Variants in TRPM1 observed in about 807,000 individuals in gnomAD.
TRPM1 encodes the protein TRPM1-203 APA Isoform, Intron 10.
In TRPM1, 113 loss-of-function variants were observed where a neutral mutation model predicts 149.4. That is an observed-to-expected ratio of 0.76 (90% confidence interval 0.65 to 0.88). The LOEUF (loss-of-function observed/expected upper bound fraction) is 0.88. TRPM1 is among the 40% of genes least tolerant of loss of function. The pLI, the probability that TRPM1 is intolerant of heterozygous loss-of-function variation, is 0.00. For missense variants in TRPM1, 1,976 were observed against 2,038.7 expected, an observed-to-expected ratio of 0.97 and a Z score of 0.59; for synonymous variants, 741 against 759.5, an observed-to-expected ratio of 0.98 and a Z score of 0.40.
At chr15:31,099,439 TCCAAACATTG>T (rs1421499006) in intron 1 of TRPM1, among the ~76,000 whole-genome samples, 13 of 152,122 alleles carry the variant, frequency 8.5e-5, no homozygotes, top group Admixed American at 5.2e-4. Context: ...TAGGACATCT[TCCAAACATTG>T]TCAATCAAAG....
intron 1 of TRPM1, among the ~76,000 whole-genome samples, chr15:31,092,282 G>A (rs1198416720): frequency 6.6e-6 from 1 of 152,100 alleles, no homozygotes; most frequent in African/African-American, 2.4e-5. Flanking sequence ...CAGAATAAAG[G>A]TGTGGTGTCG....
At chr15:31,068,124 T>G in intron 4 of TRPM1, 32 bp from the exon 5 acceptor site, 1 of 1,599,058 alleles carries the variant, frequency 6.3e-7, no homozygotes. Flanking sequence ...TCAGCCTCTG[T>G]TCTTGGTTTT....
chr15:31,070,490 G>A (rs1486378760), intron 3 of TRPM1: 12 of 684,620 alleles, frequency 1.8e-5, no homozygotes, highest in South Asian at 1.7e-4. Flanking sequence ...TTGATGTCTT[G>A]ATAACATCAG....
At chr15:31,011,840 T>G (rs911092655) in intron 27 of TRPM1, among the ~76,000 whole-genome samples, 1 of 152,076 alleles carries the variant, frequency 6.6e-6, no homozygotes, top group Non-Finnish European at 1.5e-5. Context: ...ATTTTTGTAT[T>G]TTCAATAGAG....
At chr15:31,022,305 C>T (rs1304089213) in intron 27 of TRPM1, among the ~76,000 whole-genome samples, 1 of 152,208 alleles carries the variant, frequency 6.6e-6, no homozygotes, top group African/African-American at 2.4e-5. Flanking sequence ...GAGGACAGAA[C>T]ACATGGGTTG....
intron 9 of TRPM1, among the ~76,000 whole-genome samples, chr15:31,061,942 C>T (rs1481169962): frequency 2.0e-5 from 3 of 152,148 alleles, no homozygotes; most frequent in Non-Finnish European, 4.4e-5. Context: ...CCTGTCTCAG[C>T]CCCCCAAAGT....
intron 27 of TRPM1, among the ~76,000 whole-genome samples, chr15:31,015,645 G>A (rs940369436): frequency 2.0e-5 from 3 of 152,124 alleles, no homozygotes; most frequent in African/African-American, 7.2e-5. Context: ...AGTGTTGAAT[G>A]CAATGAACAA....
chr15:31,118,230 C>T lies in TRPM1; in HGVS notation c.55-41246G>A, dbSNP rs1260015735. Among the ~76,000 whole-genome samples, 3 of 152,200 alleles carry T rather than the reference C, an allele frequency of 2.0e-5. No homozygotes were observed. In the South Asian group the frequency reaches 6.3e-4, roughly 32 times the overall value. ...CTGAGATTGCACCACTGCACTCCAG[C>T]CTGGGTGACAGAGCCAGACCCTGTC... On this transcript the variant is annotated intron_variant, in intron 1 of 26. Transcript: ENST00000542188.
intron 1 of TRPM1, among the ~76,000 whole-genome samples, chr15:31,109,333 C>CAAAAAAAAAAAAAAAAAAAAAAAAAA (rs36072024): frequency 3.1e-5 from 1 of 32,298 alleles, no homozygotes; most frequent in Non-Finnish European, 6.0e-5. Context: ...GACTCTGCCT[C>CAAAAAAAAAAAAAAAAAAAAAAAAAA]AAAAAAAAAA....
intron 1 of TRPM1, among the ~76,000 whole-genome samples, chr15:31,088,800 G>GC (rs138332506): frequency 0.031 from 3,642 of 119,170 alleles, 164 homozygotes; most frequent in African/African-American, 0.11. Flanking sequence ...CGTTCTTTCT[G>GC]CTGGGGGGAT....
rs1442735547 is a variant in TRPM1, at chr15:31,117,672, A to G, written c.55-40688T>C. Among the ~76,000 whole-genome samples the G allele has an allele frequency of 3.0e-3, 293 of 96,750 alleles. 2 individuals are homozygous for G. The highest frequency in any genetic ancestry group is 0.014 in the African/African-American group (277 of 20,256). The allele number at this position is 96,750 out of a possible 152,430, so 63.5% of individuals were successfully genotyped here. A position where few individuals can be genotyped will look rare whatever the true frequency, so the allele number is the denominator to read the frequency against. The stretch of plus-strand genomic sequence containing the variant: ...CAAAGAAAAAAAAAAAAATACACAC[A>G]CACACACACACACACACACACACAC... On this transcript the variant is annotated intron_variant, in intron 1 of 26. Transcript: ENST00000542188.
chr15:31,090,123 A>G (rs1200146600), intron 1 of TRPM1, among the ~76,000 whole-genome samples: 1 of 152,074 alleles, frequency 6.6e-6, no homozygotes, highest in African/African-American at 2.4e-5. Flanking sequence ...CCCCATGAAC[A>G]CTGGTGCGTT....
chr15:31,023,311 A>G (rs1050258129), intron 27 of TRPM1, among the ~76,000 whole-genome samples: 2 of 152,248 alleles, frequency 1.3e-5, no homozygotes, highest in Non-Finnish European at 2.9e-5. Context: ...GCTTTGAGGA[A>G]ATGAAAGAGA....
At chr15:31,157,448 A>G (rs188819383) in intron 1 of TRPM1, among the ~76,000 whole-genome samples, 1 of 152,302 alleles carries the variant, frequency 6.6e-6, no homozygotes, top group Admixed American at 6.5e-5. Context: ...TCTAAGGCAG[A>G]TGGGTACAAT....
chr15:31,019,138 T>G (rs752045061), intron 27 of TRPM1, among the ~76,000 whole-genome samples: 2 of 152,252 alleles, frequency 1.3e-5, no homozygotes, highest in Non-Finnish European at 2.9e-5. Flanking sequence ...CAAGATCCCA[T>G]GGTATTCTAT....
chr15:31,159,587 C>T (rs1021035766), intron 1 of TRPM1, among the ~76,000 whole-genome samples: 2 of 152,218 alleles, frequency 1.3e-5, no homozygotes, highest in African/African-American at 4.8e-5. Context: ...CGCCTGTCCC[C>T]CACTGAGCCC....
At chr15:31,060,313 A>G (rs544856112) in intron 11 of TRPM1, 106 of 588,184 alleles carry the variant, frequency 1.8e-4, no homozygotes, top group Admixed American at 9.8e-4. Context: ...GCAACGATAA[A>G]ATATTTGGTG....
At position 31,063,265 on chromosome 15, in the gene TRPM1, C is replaced by A. The variant is rs953085997; in HGVS notation, c.818G>T (p.Gly273Val). ...TRLGQGVPLV[G>V]LVVEGGPNVV... is the part of the protein sequence containing the mutation. ...GTTAGGGCCCCCCTCCACCACGAGA[C>A]CCACGAGGGGCACGCCCTGCCCCAG... The change falls in exon 8 of 28, where the codon GGT becomes GTT. Residue 273 changes from glycine (G) to valine (V), a missense_variant. By Grantham distance (109) the Gly-to-Val change is moderately radical (BLOSUM62 -3). This residue lies in a region of TRPM1 where 1,332 missense variants were observed against 1,347.1 expected (regional missense o/e 0.99). Transcript: ENST00000256552. The A allele has an allele frequency of 1.2e-6, 2 of 1,614,162 alleles. No individual in the cohort carries two copies. The highest frequency in any genetic ancestry group is 1.7e-6 in the Non-Finnish European group (2 of 1,180,026).
intron 3 of TRPM1, among the ~76,000 whole-genome samples, chr15:31,071,761 C>T (rs182238922): frequency 2.0e-4 from 31 of 151,590 alleles, no homozygotes; most frequent in African/African-American, 6.5e-4. Flanking sequence ...GTCAGGAGTC[C>T]GAGACCAGCC....
Sources: allele counts gnomAD v4.1 joint callset (sites outside exome capture counted in the v4.1 genomes callset), GRCh38; gene constraint gnomAD v4.1.1; regional missense constraint gnomAD v4.1.1; transcripts MANE v1.5; gene names NCBI Gene and HGNC (gene_info 2026-07-23, HGNC 2026-07-21).